The following AGAP1 variants were observed in gnomAD, a reference collection of about 807,000 sequenced individuals.
AGAP1 encodes arf-GAP with GTPase, ANK repeat and PH domain-containing protein 1.
In AGAP1, 29 loss-of-function variants were observed where a neutral mutation model predicts 105.3. The observed-to-expected ratio is 0.28, with a 90% CI of 0.21 to 0.38. The LOEUF (loss-of-function observed/expected upper bound fraction) is 0.38, where lower values mean the gene tolerates loss of function less well. Among genes scored for constraint, AGAP1 ranks in the 10% least tolerant of loss-of-function variants. The pLI is 1.00. For synonymous variants in AGAP1, 509 were observed against 485.9 expected, an observed-to-expected ratio of 1.05 and a Z score of -0.63; for missense variants, 998 against 1,165.1, an observed-to-expected ratio of 0.86 and a Z score of 2.09.
rs933399242 is a variant in AGAP1, at chr2:235,981,807, C to T, written c.1645+13184C>T. Among the ~76,000 whole-genome samples the T allele has an allele frequency of 1.3e-5, 2 of 152,176 alleles. No homozygotes were observed. The highest frequency in any genetic ancestry group is 4.8e-5 in the African/African-American group (2 of 41,428). On this transcript the variant is annotated intron_variant, in intron 13 of 17. Coordinates refer to ENST00000304032, the MANE Select transcript of AGAP1 (RefSeq NM_001037131.3). The surrounding 1 kb of genome is among the most constrained non-coding windows in gnomAD (Gnocchi z 5.5). Reference sequence around the variant, plus strand: ...ACGTAGAAAGCAGCGATAGGGCCACCGATCCAGGCGAGGGCAGCAGTGCTC... The same window carrying T: ...ACGTAGAAAGCAGCGATAGGGCCACTGATCCAGGCGAGGGCAGCAGTGCTC...
At position 236,131,608 on chromosome 2, in the gene AGAP1, G is replaced by T; in HGVS notation, c.*7486G>T. 6.6e-6 allele frequency: 1 copy of T among 151,908 alleles called. No homozygotes were observed. Among genetic ancestry groups the T allele is most frequent in the Non-Finnish European group, 1.5e-5 (1 of 67,956 alleles). 9.4% of individuals were successfully genotyped at this position (151,908 alleles called of 1,614,324 possible). On this transcript the variant is annotated 3_prime_UTR_variant, in exon 18 of 18. Transcript: ENST00000304032. This position sits in a 1 kb window ranked among gnomAD's most constrained non-coding sequence, Gnocchi z 5.9. Reference sequence around the variant, plus strand: ...AAACCATTGACAGACATTTCACTTTGCTTGTTATTTCATATGATCTTGTTT... The same window carrying T: ...AAACCATTGACAGACATTTCACTTTTCTTGTTATTTCATATGATCTTGTTT...
At chr2:236,021,094 A>G (rs1308534999) in intron 13 of AGAP1, among the ~76,000 whole-genome samples, 1 of 149,808 alleles carries the variant, frequency 6.7e-6, no homozygotes, top group Non-Finnish European at 1.5e-5. Flanking sequence ...TGAACCAGGG[A>G]GGCAGAGGTT....
intron 17 of AGAP1, among the ~76,000 whole-genome samples, chr2:236,122,337 T>TCTC (rs1214372267): frequency 6.6e-6 from 1 of 152,094 alleles, no homozygotes; most frequent in Non-Finnish European, 1.5e-5. Flanking sequence ...CCAAATACAG[T>TCTC]CACATTCTAA....
intron 16 of AGAP1, among the ~76,000 whole-genome samples, chr2:236,064,252 C>T (rs1169687803): frequency 6.6e-6 from 1 of 152,126 alleles, no homozygotes; most frequent in African/African-American, 2.4e-5. Context: ...CTGCAAATGC[C>T]TCTAGTAGCT....
chr2:235,570,198 C>T (rs1349313258), intron 1 of AGAP1, among the ~76,000 whole-genome samples: 1 of 152,208 alleles, frequency 6.6e-6, no homozygotes, highest in East Asian at 1.9e-4. Context: ...ATTTCTTCTT[C>T]CTAAAGCAGT....
chr2:235,907,655 G>A (rs965587943), intron 10 of AGAP1, among the ~76,000 whole-genome samples: 14 of 151,970 alleles, frequency 9.2e-5, no homozygotes, highest in South Asian at 4.1e-4. Flanking sequence ...TGTATTCATG[G>A]GGGATTGGCT....
At chr2:235,561,291 A>G (rs1944141660) in intron 1 of AGAP1, among the ~76,000 whole-genome samples, 1 of 152,176 alleles carries the variant, frequency 6.6e-6, no homozygotes, top group Non-Finnish European at 1.5e-5. Context: ...CCACAAACAA[A>G]TGACGTTTAG....
intron 12 of AGAP1, among the ~76,000 whole-genome samples, chr2:235,932,029 A>G (rs1423124681): frequency 6.6e-6 from 1 of 152,230 alleles, no homozygotes; most frequent in Non-Finnish European, 1.5e-5. Flanking sequence ...AGCTTCTTCA[A>G]GGGCTCTCTA....
At chr2:236,030,414 G>C (rs1286869739) in intron 13 of AGAP1, among the ~76,000 whole-genome samples, 1 of 152,230 alleles carries the variant, frequency 6.6e-6, no homozygotes, top group Non-Finnish European at 1.5e-5. Context: ...CCGTCCATGG[G>C]AAGCTTTCCT....
At chr2:235,947,638 C>A (rs184418704) in intron 12 of AGAP1, among the ~76,000 whole-genome samples, 112 of 152,248 alleles carry the variant, frequency 7.4e-4, no homozygotes, top group African/African-American at 2.6e-3. Context: ...TCATCTCCCC[C>A]CGACCAGAAT....
chr2:235,994,083 C>T lies in AGAP1; in HGVS notation c.1645+25460C>T, dbSNP rs1185964559. On this transcript the variant is annotated intron_variant, in intron 13 of 17. Transcript: ENST00000304032. This position sits in a 1 kb window ranked among gnomAD's most constrained non-coding sequence, Gnocchi z 4.4. Reference sequence around the variant, plus strand: ...CCTGGGACCCCCATTGGCTGTGTGTCCCCCAGCTTCTAATTCCTCTAGAAT... The same window carrying T: ...CCTGGGACCCCCATTGGCTGTGTGTTCCCCAGCTTCTAATTCCTCTAGAAT... Among the ~76,000 whole-genome samples, 3 of 152,068 alleles carry T rather than the reference C, an allele frequency of 2.0e-5. No individual in the cohort carries two copies. Among genetic ancestry groups the T allele is most frequent in the African/African-American group, 7.2e-5 (3 of 41,398 alleles).
Position 236,119,363 on chromosome 2 carries a change from C to T in AGAP1, c.2115-829C>T, listed in dbSNP as rs2059847346. ...ATTCTGTCCTTTCCACTTAAGCCTT[C>T]CCCAAGTATCTGGAGATTCCAAAAG... On this transcript the variant is annotated intron_variant, in intron 16 of 17. Coordinates refer to ENST00000304032, the MANE Select transcript of AGAP1 (RefSeq NM_001037131.3). This position sits in a 1 kb window ranked among gnomAD's most constrained non-coding sequence, Gnocchi z 6.6. 1.3e-5 allele frequency among the ~76,000 whole-genome samples: 2 copies of T among 152,320 alleles called. No homozygotes were observed. Among genetic ancestry groups the T allele is most frequent in the Non-Finnish European group, 2.9e-5 (2 of 68,030 alleles).
At position 236,009,841 on chromosome 2, in the gene AGAP1, GCAT is replaced by G. The variant is rs1264496297; in HGVS notation, c.1646-26716_1646-26714del. On this transcript the variant is annotated intron_variant, in intron 13 of 17. Coordinates refer to ENST00000304032, the MANE Select transcript of AGAP1 (RefSeq NM_001037131.3). This position sits in a 1 kb window ranked among gnomAD's most constrained non-coding sequence, Gnocchi z 4.2. ...GCCTTGGACACACAGCCTCGGCGCT[GCAT>G]CATTTTTTAATCAGCTATCTGAGGA... Among the ~76,000 whole-genome samples, 3 of 152,184 alleles carry G rather than the reference GCAT, an allele frequency of 2.0e-5. No individual in the cohort carries two copies. The highest frequency in any genetic ancestry group is 7.2e-5 in the African/African-American group (3 of 41,440).
chr2:235,727,697 G>T (rs906075384), intron 3 of AGAP1, among the ~76,000 whole-genome samples: 3 of 152,050 alleles, frequency 2.0e-5, no homozygotes, highest in Non-Finnish European at 4.4e-5. Flanking sequence ...CCTCCTCTCC[G>T]CTTCTCCCCC....
intron 1 of AGAP1, among the ~76,000 whole-genome samples, chr2:235,525,096 T>C (rs895085273): frequency 4.6e-5 from 7 of 152,254 alleles, no homozygotes; most frequent in Non-Finnish European, 8.8e-5. Flanking sequence ...TTGAGATTGA[T>C]TACTTTCATT....
chr2:235,755,337 C>G (rs1051347816), intron 6 of AGAP1, among the ~76,000 whole-genome samples: 1 of 142,718 alleles, frequency 7.0e-6, no homozygotes, highest in African/African-American at 2.5e-5. Flanking sequence ...TTCAAAAGTC[C>G]CTGTTGATTT....
intron 1 of AGAP1, among the ~76,000 whole-genome samples, chr2:235,495,201 G>T (rs1941263210): frequency 6.6e-6 from 1 of 152,116 alleles, no homozygotes; most frequent in South Asian, 2.1e-4. Flanking sequence ...CCCGACCCCT[G>T]ACAGGTTACC....
At chr2:236,071,964 A>G (rs890768127) in intron 16 of AGAP1, among the ~76,000 whole-genome samples, 1 of 152,168 alleles carries the variant, frequency 6.6e-6, no homozygotes, top group Non-Finnish European at 1.5e-5. Context: ...AAAATTGTCC[A>G]AAGACACCGG....
chr2:235,778,983 T>C (rs1956085605), intron 6 of AGAP1, among the ~76,000 whole-genome samples: 1 of 152,182 alleles, frequency 6.6e-6, no homozygotes. Flanking sequence ...AAGCATATCC[T>C]GTGTGTATGT....
Sources: gnomAD v4.1 joint callset for allele counts (sites outside exome capture counted in the v4.1 genomes callset) on GRCh38, gnomAD v4.1.1 for gene constraint, Gnocchi (gnomAD v3.1) non-coding constraint, MANE v1.5 for transcripts, NCBI Gene and HGNC (gene_info 2026-07-23, HGNC 2026-07-21) for gene names.